The following MCM5 variants were observed in gnomAD, a reference collection of about 807,000 sequenced individuals.
MCM5 encodes the protein minichromosome maintenance complex component 5.
Under a neutral mutation model 79.9 loss-of-function variants are expected in MCM5, and 46 were observed. That is an observed-to-expected ratio of 0.58 (90% CI 0.45 to 0.74). MCM5 has a LOEUF of 0.74. Ranked by LOEUF, MCM5 falls within the 30% of genes least tolerant of loss-of-function variation. MCM5 has a pLI of 0.00. For synonymous variants in MCM5, 404 were observed against 390.5 expected (o/e 1.03, Z -0.41); for missense variants, 883 against 1,017.0 (o/e 0.87, Z 1.79).
the MCM5 span, among the ~76,000 whole-genome samples, chr22:35,451,347 A>G: frequency 2.0e-5 from 3 of 152,254 alleles, no homozygotes; most frequent in Non-Finnish European, 4.4e-5. Flanking sequence ...TGCGGGTCTC[A>G]GTGTGGGGAG....
chr22:35,436,743 C>A, the MCM5 span, among the ~76,000 whole-genome samples: 1 of 152,240 alleles, frequency 6.6e-6, no homozygotes, highest in Non-Finnish European at 1.5e-5. Flanking sequence ...TGGGTCAGGA[C>A]CCTGTCCTAG....
Position 35,412,601 on chromosome 22 carries a change from G to C in MCM5, c.1011G>C (p.Lys337Asn). 1 of 1,589,150 alleles carries C rather than the reference G, an allele frequency of 6.3e-7. No individual in the cohort carries two copies. The change falls in exon 8 of 17, where the codon AAG becomes AAC. Residue 337 changes from lysine (K) to asparagine (N), a missense_variant. This residue lies in a region of MCM5 where 455 missense variants were observed against 517.5 expected (regional missense o/e 0.88). Transcript: ENST00000216122. ...ALPNVYEVIS[K>N]SIAPSIFGGT... ...CAAATGTCTATGAGGTCATCTCCAA[G>C]AGCATCGCCCCCTCCATCTTTGGGG...
downstream of MCM5, among the ~76,000 whole-genome samples, chr22:35,426,233 C>T (rs151147426): frequency 3.8e-3 from 573 of 152,256 alleles, 7 homozygotes; most frequent in African/African-American, 0.013. Context: ...CCTTCCAGAT[C>T]GGGGCAGCAG....
chr22:35,408,299 C>G, intron 5 of MCM5, 109 bp from the exon 6 acceptor site: 3 of 988,152 alleles, frequency 3.0e-6, no homozygotes, highest in Non-Finnish European at 3.0e-6. Flanking sequence ...TCTGGAGACC[C>G]CCATAAATTG....
chr22:35,423,969 C>A, intron 16 of MCM5, 185 bp from the exon 17 acceptor site: 1 of 551,768 alleles, frequency 1.8e-6, no homozygotes, highest in East Asian at 3.2e-5. Context: ...ATTGCTGTGA[C>A]CTTGAGCAAG....
chr22:35,437,574 A>G, the MCM5 span, among the ~76,000 whole-genome samples: 1 of 152,132 alleles, frequency 6.6e-6, no homozygotes, highest in East Asian at 1.9e-4. Flanking sequence ...CTGCAAATAG[A>G]TTTCCTTTCA....
At chr22:35,446,930 G>T in the MCM5 span, among the ~76,000 whole-genome samples, 1 of 152,226 alleles carries the variant, frequency 6.6e-6, no homozygotes, top group Non-Finnish European at 1.5e-5. Flanking sequence ...GGGTCACGAG[G>T]CCCCTGCATG....
intron 13 of MCM5, among the ~76,000 whole-genome samples, chr22:35,418,061 A>G (rs1340973237): frequency 6.6e-6 from 1 of 151,922 alleles, no homozygotes; most frequent in Non-Finnish European, 1.5e-5. Flanking sequence ...CCACCTCCAC[A>G]CCAAGGAGGT....
At chr22:35,443,520 C>T in the MCM5 span, among the ~76,000 whole-genome samples, 2 of 152,254 alleles carry the variant, frequency 1.3e-5, no homozygotes, top group Non-Finnish European at 2.9e-5. Flanking sequence ...AGGGTTTCCT[C>T]TCAGGGCCAC....
At position 35,416,396 on chromosome 22, in the gene MCM5, A is replaced by T. The variant is rs146948801; in HGVS notation, c.1405A>T (p.Ile469Phe). ...HEAMEQQTIS[I>F]AKAGITTTLN... ...AGCCATGGAGCAGCAGACCATCTCTATCGCCAAGGTGAGTGGCCCTCCATG... is the reference window on the plus strand; with the variant it reads ...AGCCATGGAGCAGCAGACCATCTCTTTCGCCAAGGTGAGTGGCCCTCCATG... The change falls in exon 11 of 17, where the codon ATC becomes TTC. Residue 469 changes from isoleucine (I) to phenylalanine (F), a missense_variant. This residue lies in a region of MCM5 where 426 missense variants were observed against 482.3 expected (regional missense o/e 0.88). Coordinates refer to ENST00000216122, the MANE Select transcript of MCM5 (RefSeq NM_006739.4). 1 of 1,612,542 alleles carries T rather than the reference A, an allele frequency of 6.2e-7. No homozygotes were observed. The highest frequency in any genetic ancestry group is 8.5e-7 in the Non-Finnish European group (1 of 1,179,996).
rs1299256775 is a variant in MCM5 at position 35,424,741 on chromosome 22, T to C, written c.*486T>C. 2 of 152,744 alleles carry C rather than the reference T, an allele frequency of 1.3e-5. No homozygotes were observed. The highest frequency in any genetic ancestry group is 2.4e-5 in the African/African-American group (1 of 41,492). 9.5% of individuals were successfully genotyped at this position (152,744 alleles called of 1,614,324 possible). On this transcript the variant is annotated 3_prime_UTR_variant, in exon 17 of 17. Transcript: ENST00000216122. ...GTGAGACCAGGGAGTGGGGAAGCGC[T>C]TCTCAAAGTGTGTGATTTTGATCCG...
chr22:35,400,665 C>T (rs1932018368), intron 2 of MCM5, 60 bp downstream of exon 2: 2 of 1,492,334 alleles, frequency 1.3e-6, no homozygotes, highest in Non-Finnish European at 1.8e-6. Flanking sequence ...ACGCCTCTAC[C>T]AGCCTGCTAG....
the MCM5 span, among the ~76,000 whole-genome samples, chr22:35,431,242 G>A: frequency 6.6e-6 from 1 of 152,166 alleles, no homozygotes; most frequent in Non-Finnish European, 1.5e-5. Flanking sequence ...CTGAGTTATC[G>A]TTATCATGCT....
chr22:35,410,337 C>T (rs548605430), intron 6 of MCM5: 47 of 197,490 alleles, frequency 2.4e-4, no homozygotes, highest in Admixed American at 2.0e-3. Context: ...GGCTGGGGGG[C>T]GTGAAGAGGA....
the MCM5 span, among the ~76,000 whole-genome samples, chr22:35,452,725 T>C: frequency 6.6e-6 from 1 of 152,134 alleles, no homozygotes; most frequent in Non-Finnish European, 1.5e-5. Flanking sequence ...TCAGTCCGAC[T>C]CCTCCGCTGG....
chr22:35,425,022 C>T lies in MCM5; in HGVS notation c.*767C>T, dbSNP rs1013016506. On this transcript the variant is annotated 3_prime_UTR_variant, in exon 17 of 17. Coordinates refer to ENST00000216122, the MANE Select transcript of MCM5 (RefSeq NM_006739.4). ...CCACGTGTAACTGTGTGGCCTTGGG[C>T]GAGACATTTCACTTTTCTGTGCCTG... 2.6e-5 allele frequency: 4 copies of T among 152,154 alleles called. No individual in the cohort carries two copies. Among genetic ancestry groups the T allele is most frequent in the Non-Finnish European group, 5.9e-5 (4 of 68,048 alleles). 9.4% of individuals were successfully genotyped at this position (152,154 alleles called of 1,614,324 possible).
downstream of MCM5, among the ~76,000 whole-genome samples, chr22:35,427,433 T>G (rs1389926545): frequency 6.6e-6 from 1 of 152,180 alleles, no homozygotes; most frequent in East Asian, 1.9e-4. Context: ...TTTATGTTTT[T>G]GGGTGTTGTA....
In MCM5 at chr22:35,410,844, G is replaced by T; in HGVS notation, c.853G>T (p.Val285Leu). The T allele has an allele frequency of 6.2e-7, 1 of 1,613,660 alleles. No individual in the cohort carries two copies. Among genetic ancestry groups the T allele is most frequent in the South Asian group, 1.1e-5 (1 of 91,062 alleles). Reference protein sequence around the residue: ...GLTTSRGRDRVGVGIRSSYIR... With the variant: ...GLTTSRGRDRLGVGIRSSYIR... ...GACTACCAGCAGGGGCCGTGACAGGGTGGGCGTGGGCATCCGAAGCTCCTA... is the reference window on the plus strand; with the variant it reads ...GACTACCAGCAGGGGCCGTGACAGGTTGGGCGTGGGCATCCGAAGCTCCTA... The change falls in exon 7 of 17, where the codon GTG becomes TTG. Residue 285 changes from valine (V) to leucine (L), a missense_variant. Coordinates refer to ENST00000216122, the MANE Select transcript of MCM5 (RefSeq NM_006739.4).
Position 35,417,875 on chromosome 22 carries a change from C to T in MCM5, c.1703+19C>T, listed in dbSNP as rs781262916. On this transcript the variant is annotated intron_variant, in intron 13 of 16. Coordinates refer to ENST00000216122, the MANE Select transcript of MCM5 (RefSeq NM_006739.4). ...GCCGAGTGTGAGTCCTGGACGCAGG[C>T]CCACGGGGGTGAGGTTGCCCAGCTT... 3 of 1,587,892 alleles carry T rather than the reference C, an allele frequency of 1.9e-6. No individual in the cohort carries two copies. Among genetic ancestry groups the T allele is most frequent in the South Asian group, 2.2e-5 (2 of 90,508 alleles).
Sources: allele counts gnomAD v4.1 joint callset (sites outside exome capture counted in the v4.1 genomes callset), GRCh38; gene constraint gnomAD v4.1.1; regional missense constraint gnomAD v4.1.1; transcripts MANE v1.5; gene names NCBI Gene and HGNC (gene_info 2026-07-23, HGNC 2026-07-21).